The following EIF3H variants were observed in gnomAD, a reference collection of about 807,000 sequenced individuals.
EIF3H encodes eukaryotic translation initiation factor 3 subunit H, also known as eIF-3-gamma.
A neutral mutation model predicts 44.2 loss-of-function variants in EIF3H; 26 were observed. The ratio of observed to expected loss-of-function variants is 0.59; its 90% CI spans 0.43 to 0.82. The LOEUF (loss-of-function observed/expected upper bound fraction) is 0.82. Among genes scored for constraint, EIF3H ranks in the 40% least tolerant of loss-of-function variants. The probability of loss-of-function intolerance (pLI) is 0.00; values close to 1 mark genes in which losing one functional copy is unlikely to be tolerated. For synonymous variants in EIF3H, 166 were observed against 151.9 expected (o/e 1.09, Z -0.68); for missense variants, 359 against 432.8 (o/e 0.83, Z 1.51).
chr8:116,651,044 G>A (rs1046398191), intron 5 of EIF3H, among the ~76,000 whole-genome samples: 4 of 152,190 alleles, frequency 2.6e-5, no homozygotes, highest in African/African-American at 9.6e-5. Context: ...TTGGGTTCCC[G>A]TTCAGGGTGA....
chr8:116,730,437 C>T (rs1186451648), intron 1 of EIF3H, among the ~76,000 whole-genome samples: 1 of 152,204 alleles, frequency 6.6e-6, no homozygotes, highest in East Asian at 1.9e-4. Flanking sequence ...AAACCATCCT[C>T]TCACATCCCC....
intron 2 of EIF3H, among the ~76,000 whole-genome samples, chr8:116,705,587 T>C (rs939210162): frequency 1.3e-5 from 2 of 150,268 alleles, no homozygotes; most frequent in African/African-American, 4.9e-5. Flanking sequence ...AGTTTAATCA[T>C]GAAAATACAT....
rs1813249544 is a variant in EIF3H at position 116,643,179 on chromosome 8, C to T, written c.*1827G>A. 2 of 152,218 alleles carry T rather than the reference C, an allele frequency of 1.3e-5. No individual in the cohort carries two copies. The highest frequency in any genetic ancestry group is 4.8e-5 in the African/African-American group (2 of 41,448). The allele number at this position is 152,218 out of a possible 1,614,324, so 9.4% of individuals were successfully genotyped here. On this transcript the variant is annotated 3_prime_UTR_variant, in exon 8 of 8. Transcript: ENST00000521861. The stretch of plus-strand genomic sequence containing the variant: ...ACTCCACAAGGGCAGGGGCCATGGC[C>T]AGTTTTACCTGTTAATATATCCCTT...
At chr8:116,725,750 CAA>C (rs1814824511) in intron 2 of EIF3H, among the ~76,000 whole-genome samples, 2 of 152,142 alleles carry the variant, frequency 1.3e-5, no homozygotes, top group African/African-American at 4.8e-5. Context: ...TTCATGTTGA[CAA>C]AGTCAACATC....
chr8:116,684,084 A>G (rs1814035051), intron 2 of EIF3H, among the ~76,000 whole-genome samples: 1 of 152,236 alleles, frequency 6.6e-6, no homozygotes, highest in South Asian at 2.1e-4. Context: ...AGAGAAAAAT[A>G]AGATATGTCA....
chr8:116,745,638 C>T (rs961378969), intron 1 of EIF3H, among the ~76,000 whole-genome samples: 1 of 152,122 alleles, frequency 6.6e-6, no homozygotes, highest in Non-Finnish European at 1.5e-5. Flanking sequence ...AACATAAAAA[C>T]GGAAAAGTCT....
intron 7 of EIF3H, among the ~76,000 whole-genome samples, chr8:116,645,886 T>A (rs1813287753): frequency 6.6e-6 from 1 of 152,230 alleles, no homozygotes; most frequent in South Asian, 2.1e-4. Context: ...AGGATCTGAC[T>A]GAATCAGATG....
At chr8:116,731,464 G>GT (rs919194282) in intron 1 of EIF3H, among the ~76,000 whole-genome samples, 1 of 152,016 alleles carries the variant, frequency 6.6e-6, no homozygotes, top group Non-Finnish European at 1.5e-5. Context: ...TTGTTTTGTT[G>GT]TAACTCCTCA....
chr8:116,757,987 G>A (rs1319097002), upstream of EIF3H, among the ~76,000 whole-genome samples: 2 of 152,184 alleles, frequency 1.3e-5, no homozygotes. Flanking sequence ...TTCCCAAAGT[G>A]CTGGGATTAT....
At chr8:116,680,924 A>G (rs1442435167) in intron 2 of EIF3H, among the ~76,000 whole-genome samples, 1 of 151,788 alleles carries the variant, frequency 6.6e-6, no homozygotes, top group Non-Finnish European at 1.5e-5. Context: ...TGCTCTGTTG[A>G]TGGGCTGACA....
chr8:116,702,324 A>T (rs1814391868), intron 2 of EIF3H, among the ~76,000 whole-genome samples: 1 of 152,216 alleles, frequency 6.6e-6, no homozygotes, highest in Admixed American at 6.5e-5. Flanking sequence ...AGAGAAAAGC[A>T]GGAATTACTT....
At chr8:116,684,583 C>T (rs188563868) in intron 2 of EIF3H, among the ~76,000 whole-genome samples, 2 of 152,032 alleles carry the variant, frequency 1.3e-5, no homozygotes, top group African/African-American at 4.8e-5. Flanking sequence ...CTTAATGTTA[C>T]ATAAAACTGC....
At chr8:116,725,908 C>T in intron 2 of EIF3H, 108 bp downstream of exon 2, 1 of 1,338,476 alleles carries the variant, frequency 7.5e-7, no homozygotes, top group Non-Finnish European at 1.0e-6. Flanking sequence ...GTGAAGTAGG[C>T]TAGCCTGACA....
chr8:116,757,932 G>A (rs1457951868), upstream of EIF3H, among the ~76,000 whole-genome samples: 1 of 152,156 alleles, frequency 6.6e-6, no homozygotes, highest in Non-Finnish European at 1.5e-5. Flanking sequence ...ATGTTGGCCA[G>A]GCTGGTTTCG....
chr8:116,758,061 T>C (rs544204043), upstream of EIF3H, among the ~76,000 whole-genome samples: 7 of 152,264 alleles, frequency 4.6e-5, no homozygotes, highest in South Asian at 6.2e-4. Context: ...AGGAAAACAA[T>C]TGGATGAATG....
At chr8:116,742,078 T>C (rs1265980832) in intron 1 of EIF3H, among the ~76,000 whole-genome samples, 1 of 150,918 alleles carries the variant, frequency 6.6e-6, no homozygotes. Context: ...TTAAGTAACT[T>C]CAATAGGAAA....
At position 116,755,651 on chromosome 8, in the gene EIF3H, AAG is replaced by A; in HGVS notation, c.132+13_132+14del. On this transcript the variant is annotated intron_variant, in intron 1 of 7. Transcript: ENST00000521861. ...CGCTCCCCACGTGGGCCAGAGGAAA[AAG>A]AACAGCACTCACAAGGCCATCTATC... 1 of 1,613,862 alleles carries A rather than the reference AAG, an allele frequency of 6.2e-7. No individual in the cohort carries two copies. The highest frequency in any genetic ancestry group is 1.1e-5 in the South Asian group (1 of 91,056).
upstream of EIF3H, among the ~76,000 whole-genome samples, chr8:116,757,535 G>A (rs1815470406): frequency 6.6e-6 from 1 of 151,440 alleles, no homozygotes; most frequent in East Asian, 1.9e-4. Context: ...TCTCTTTTAT[G>A]GTGACCTCAT....
intron 4 of EIF3H, among the ~76,000 whole-genome samples, chr8:116,656,212 T>G (rs549984372): frequency 6.6e-6 from 1 of 152,278 alleles, no homozygotes; most frequent in Admixed American, 6.5e-5. Flanking sequence ...GATGCGAATT[T>G]GAGCTAAAGC....
Sources: allele counts gnomAD v4.1 joint callset (sites outside exome capture counted in the v4.1 genomes callset), GRCh38; gene constraint gnomAD v4.1.1; transcripts MANE v1.5; gene names NCBI Gene and HGNC (gene_info 2026-07-23, HGNC 2026-07-21).